The following CSMD2 variants were observed in gnomAD, a reference collection of about 807,000 sequenced individuals.
The protein encoded by CSMD2 is CUB and sushi domain-containing protein 2.
In CSMD2, 130 loss-of-function variants were observed where a neutral mutation model predicts 398.5. The observed-to-expected ratio is 0.33, with a 90% CI of 0.28 to 0.38. CSMD2 has a LOEUF of 0.38. Among genes scored for constraint, CSMD2 ranks in the 10% least tolerant of loss-of-function variants. The pLI, the probability that CSMD2 is intolerant of heterozygous loss-of-function variation, is 1.00. For missense variants in CSMD2, 3,829 were observed against 4,764.9 expected, an observed-to-expected ratio of 0.80 and a Z score of 5.78; for synonymous variants, 1,828 against 1,908.5, an observed-to-expected ratio of 0.96 and a Z score of 1.10.
chr1:34,015,986 A>G (rs1648039157), intron 3 of CSMD2, among the ~76,000 whole-genome samples: 1 of 151,506 alleles, frequency 6.6e-6, no homozygotes, highest in African/African-American at 2.4e-5. Context: ...CTTTTGAAAG[A>G]TGCCCATTTA....
At chr1:33,983,220 C>CT (rs1237922579) in intron 3 of CSMD2, among the ~76,000 whole-genome samples, 1 of 152,110 alleles carries the variant, frequency 6.6e-6, no homozygotes, top group African/African-American at 2.4e-5. Context: ...TGGGAGATGG[C>CT]TTTTTAAAAA....
intron 52 of CSMD2, among the ~76,000 whole-genome samples, chr1:33,568,883 C>T (rs1316043973): frequency 6.6e-6 from 1 of 152,022 alleles, no homozygotes; most frequent in East Asian, 1.9e-4. Context: ...AACCATAGAA[C>T]CAGGGAGTGG....
intron 5 of CSMD2, among the ~76,000 whole-genome samples, chr1:33,901,036 G>A (rs1160992505): frequency 1.3e-5 from 2 of 152,190 alleles, no homozygotes; most frequent in Admixed American, 1.3e-4. Flanking sequence ...GGAGAACCAC[G>A]TGTAGGTGAG....
Position 33,625,246 on chromosome 1 carries a change from G to A in CSMD2, c.5305C>T (p.Arg1769Ter). Residue 1769 changes from arginine to a stop codon, truncating the protein, a stop_gained, in exon 34 of 71, where the codon CGA (arginine) becomes TGA (stop). Coordinates refer to ENST00000373381, the MANE Select transcript of CSMD2 (RefSeq NM_001281956.2). LOFTEE classifies it high-confidence loss of function. ...GFHFVYQAVP[R>*]TSATQCSSVP... ...GAGCTGCACTGCGTGGCGCTGGTTC[G>A]AGGAACCGCTGTGGGGGACAAGGGC... 1 of 1,611,126 alleles carries A rather than the reference G, an allele frequency of 6.2e-7. No homozygotes were observed. The highest frequency in any genetic ancestry group is 1.1e-5 in the South Asian group (1 of 90,266).
intron 1 of CSMD2, among the ~76,000 whole-genome samples, chr1:34,121,244 A>G (rs1662156361): frequency 6.6e-6 from 1 of 152,140 alleles, no homozygotes; most frequent in Admixed American, 6.5e-5. Flanking sequence ...GAGAGGGAGG[A>G]AGACATGTAA....
At chr1:33,808,916 TAA>T (rs772586968) in intron 10 of CSMD2, among the ~76,000 whole-genome samples, 5 of 151,656 alleles carry the variant, frequency 3.3e-5, no homozygotes, top group Non-Finnish European at 7.4e-5. Flanking sequence ...ATAACTATAA[TAA>T]GAGATAGTAT....
At chr1:33,709,370 T>TTG in intron 21 of CSMD2, 112 bp from the exon 22 acceptor site, 3 of 855,700 alleles carry the variant, frequency 3.5e-6, no homozygotes, top group African/African-American at 1.7e-5. Context: ...CCTGTCTACC[T>TTG]GCCAAGGTGC....
intron 5 of CSMD2, among the ~76,000 whole-genome samples, chr1:33,859,670 G>A (rs536727015): frequency 6.6e-6 from 1 of 152,338 alleles, no homozygotes; most frequent in African/African-American, 2.4e-5. Context: ...ACTCCACAGA[G>A]GAAGGGGCAG....
At chr1:34,038,159 AG>A (rs1161654492) in intron 2 of CSMD2, among the ~76,000 whole-genome samples, 1 of 152,158 alleles carries the variant, frequency 6.6e-6, no homozygotes, top group Non-Finnish European at 1.5e-5. Flanking sequence ...AAGACCCCGC[AG>A]TTAGGAGGAG....
At chr1:34,004,125 A>G (rs1646985482) in intron 3 of CSMD2, among the ~76,000 whole-genome samples, 4 of 152,198 alleles carry the variant, frequency 2.6e-5, no homozygotes. Context: ...AGATCTGCAG[A>G]TGTCTGGGGA....
Position 33,772,682 on chromosome 1 carries a change from T to C in CSMD2, c.1733A>G (p.His578Arg), listed in dbSNP as rs474474. ...CTCAAACTTGAGTGTGTCACCGTGGTGAAACCGGGAGCCTTCCCTCCGGCC... is the reference window on the plus strand; with the variant it reads ...CTCAAACTTGAGTGTGTCACCGTGGCGAAACCGGGAGCCTTCCCTCCGGCC... ...AYGRREGSRF[H>R]HGDTLKFECQ... Residue 578 changes from histidine (H) to arginine (R), a missense_variant, in exon 13 of 71, where the codon CAC becomes CGC. By Grantham distance (29) the His-to-Arg change is conservative (BLOSUM62 0). Transcript: ENST00000373381. The C allele has an allele frequency of 0.28, 448,724 of 1,613,680 alleles. 66,877 individuals are homozygous for C. Among genetic ancestry groups the C allele is most frequent in the African/African-American group, 0.51 (38,019 of 74,920 alleles).
At chr1:33,589,403 C>A (rs556807829) in intron 44 of CSMD2, among the ~76,000 whole-genome samples, 4 of 152,172 alleles carry the variant, frequency 2.6e-5, no homozygotes, top group Non-Finnish European at 4.4e-5. Context: ...ACATCCCTTG[C>A]CCTCACAGAA....
intron 12 of CSMD2, among the ~76,000 whole-genome samples, chr1:33,782,306 T>C (rs1457438212): frequency 6.6e-6 from 1 of 152,070 alleles, no homozygotes; most frequent in Non-Finnish European, 1.5e-5. Flanking sequence ...GGTAATGATG[T>C]AGGTTGGAAG....
At chr1:33,877,070 T>C (rs1366935528) in intron 5 of CSMD2, among the ~76,000 whole-genome samples, 1 of 152,174 alleles carries the variant, frequency 6.6e-6, no homozygotes, top group African/African-American at 2.4e-5. Flanking sequence ...AATGACTCAA[T>C]GCTGCAGCAC....
chr1:34,165,038 G>T lies in CSMD2; in HGVS notation c.60C>A (p.Arg20=). The T allele has an allele frequency of 1.6e-6, 2 of 1,212,814 alleles. No individual in the cohort carries two copies. Among genetic ancestry groups the T allele is most frequent in the Non-Finnish European group, 2.0e-6 (2 of 975,798 alleles). 75.1% of individuals were successfully genotyped at this position (1,212,814 alleles called of 1,614,324 possible). The change falls in exon 1 of 71, where the codon CGC becomes CGA. Residue 20 remains arginine (R), a synonymous_variant. Transcript: ENST00000373381. The part of the protein sequence containing the change: ...GRCGCPAGRA[R]GETGISALVP... ...CAAGCGCCGAAATCCCGGTTTCGCC[G>T]CGAGCCCTCCCCGCGGGGCAGCCGC...
rs16835971 is a variant in CSMD2 at position 33,840,300 on chromosome 1, T to C, written c.1033+6584A>G. Among the ~76,000 whole-genome samples the C allele has an allele frequency of 6.1e-3, 932 of 152,300 alleles. 9 individuals carry two copies. The highest frequency in any genetic ancestry group is 0.022 in the African/African-American group (901 of 41,570). ...TTGATAGCCTATGCGGCCTAAGCAATACTGTTTTCTCTACCTGGGACATTC... is the reference window on the plus strand; with the variant it reads ...TTGATAGCCTATGCGGCCTAAGCAACACTGTTTTCTCTACCTGGGACATTC... On this transcript the variant is annotated intron_variant, in intron 6 of 70. Transcript: ENST00000373381.
intron 5 of CSMD2, among the ~76,000 whole-genome samples, chr1:33,893,830 T>C (rs140654090): frequency 2.0e-5 from 3 of 152,364 alleles, no homozygotes; most frequent in African/African-American, 7.2e-5. Flanking sequence ...TTCATAGCCC[T>C]GATTTTCCAA....
At chr1:34,111,265 CCAAACCAGT>C (rs1437531647) in intron 1 of CSMD2, among the ~76,000 whole-genome samples, 15 of 152,152 alleles carry the variant, frequency 9.9e-5, no homozygotes, top group African/African-American at 3.1e-4. Flanking sequence ...GCCTAGGAAA[CCAAACCAGT>C]TGGTGTGGCT....
At chr1:34,155,835 G>A (rs1435401644) in intron 1 of CSMD2, among the ~76,000 whole-genome samples, 2 of 152,178 alleles carry the variant, frequency 1.3e-5, no homozygotes, top group African/African-American at 2.4e-5. Flanking sequence ...CTTTTTTAAA[G>A]AGCTTCCAAG....
Sources: allele counts gnomAD v4.1 joint callset (sites outside exome capture counted in the v4.1 genomes callset), GRCh38; gene constraint gnomAD v4.1.1; transcripts MANE v1.5; gene names NCBI Gene and HGNC (gene_info 2026-07-23, HGNC 2026-07-21).